Variants in ASTN2 observed in about 807,000 individuals in gnomAD.
ASTN2 encodes astrotactin-2.
Under a neutral mutation model 139.8 loss-of-function variants are expected in ASTN2, and 54 were observed. The ratio of observed to expected loss-of-function variants is 0.39; its 90% CI spans 0.31 to 0.48. The LOEUF (loss-of-function observed/expected upper bound fraction) is 0.48, where lower values mean the gene tolerates loss of function less well. Among genes scored for constraint, ASTN2 ranks in the 20% least tolerant of loss-of-function variants. ASTN2 has a pLI of 0.95. For synonymous variants in ASTN2, 756 were observed against 719.5 expected (o/e 1.05, Z -0.81); for missense variants, 1,565 against 1,725.1 (o/e 0.91, Z 1.64).
chr9:116,477,965 C>A (rs945777098), intron 20 of ASTN2, among the ~76,000 whole-genome samples: 1 of 147,552 alleles, frequency 6.8e-6, no homozygotes, highest in Non-Finnish European at 1.5e-5. Context: ...AAAGAGAGAA[C>A]AAGAAAGAAA....
At chr9:116,906,580 A>C (rs918865999) in intron 10 of ASTN2, among the ~76,000 whole-genome samples, 7 of 152,184 alleles carry the variant, frequency 4.6e-5, no homozygotes, top group African/African-American at 1.7e-4. Flanking sequence ...GGTCTAGTCT[A>C]ATCTTTTAAA....
chr9:116,950,258 T>C (rs2132484787), intron 10 of ASTN2, among the ~76,000 whole-genome samples: 1 of 152,324 alleles, frequency 6.6e-6, no homozygotes, highest in East Asian at 1.9e-4. Flanking sequence ...ACCAACATTG[T>C]TTCCAGACAT....
chr9:116,503,638 C>T (rs932974600), intron 19 of ASTN2, among the ~76,000 whole-genome samples: 3 of 152,230 alleles, frequency 2.0e-5, no homozygotes, highest in South Asian at 2.1e-4. Flanking sequence ...CACAGCTTTA[C>T]ATAATATATA....
chr9:116,783,237 G>C (rs1379649180), intron 13 of ASTN2, among the ~76,000 whole-genome samples: 1 of 150,922 alleles, frequency 6.6e-6, no homozygotes, highest in African/African-American at 2.4e-5. Context: ...TTTTAAACAA[G>C]TCTCACAGGC....
intron 19 of ASTN2, among the ~76,000 whole-genome samples, chr9:116,526,752 T>A (rs1206703506): frequency 6.6e-6 from 1 of 152,230 alleles, no homozygotes; most frequent in Non-Finnish European, 1.5e-5. Context: ...CTAGCAGATT[T>A]GTTTAAGCTT....
At chr9:116,834,320 G>C (rs1197863083) in intron 11 of ASTN2, among the ~76,000 whole-genome samples, 2 of 152,070 alleles carry the variant, frequency 1.3e-5, no homozygotes, top group Non-Finnish European at 2.9e-5. Context: ...TTTGTTGATG[G>C]TGTTATTGAG....
At chr9:117,206,514 C>T (rs571445860) in intron 3 of ASTN2, among the ~76,000 whole-genome samples, 2 of 152,244 alleles carry the variant, frequency 1.3e-5, no homozygotes, top group South Asian at 4.2e-4. Context: ...GTTGCTGCAG[C>T]ACGGTACACA....
intron 1 of ASTN2, among the ~76,000 whole-genome samples, chr9:117,326,351 G>A (rs973046193): frequency 1.3e-5 from 2 of 152,004 alleles, no homozygotes; most frequent in African/African-American, 4.8e-5. Flanking sequence ...CATGTTAATG[G>A]CAGAGTCAAG....
chr9:116,759,923 C>T (rs1358739441), intron 13 of ASTN2, among the ~76,000 whole-genome samples: 1 of 152,056 alleles, frequency 6.6e-6, no homozygotes, highest in African/African-American at 2.4e-5. Context: ...ACTGAAAAAC[C>T]CTGGGTCAGA....
chr9:117,152,094 T>C (rs977414185), intron 3 of ASTN2, among the ~76,000 whole-genome samples: 2 of 152,296 alleles, frequency 1.3e-5, no homozygotes, highest in African/African-American at 4.8e-5. Context: ...AGCATAAATC[T>C]CCCTCAAGAA....
At chr9:117,245,397 G>A (rs1833349814) in intron 2 of ASTN2, among the ~76,000 whole-genome samples, 2 of 152,180 alleles carry the variant, frequency 1.3e-5, no homozygotes, top group Non-Finnish European at 2.9e-5. Flanking sequence ...TAATCTTCAA[G>A]TGGCGGGAGG....
chr9:116,854,498 G>T (rs1832687295), intron 11 of ASTN2, among the ~76,000 whole-genome samples: 1 of 152,160 alleles, frequency 6.6e-6, no homozygotes, highest in South Asian at 2.1e-4. Context: ...TAAAAACTGT[G>T]TACTTAAGCA....
At chr9:117,330,394 C>G (rs1587953644) in intron 1 of ASTN2, among the ~76,000 whole-genome samples, 1 of 152,208 alleles carries the variant, frequency 6.6e-6, no homozygotes, top group African/African-American at 2.4e-5. Flanking sequence ...CTCTCCGAAG[C>G]CCCTCTCTGG....
At chr9:117,076,200 A>G (rs989773279) in intron 5 of ASTN2, among the ~76,000 whole-genome samples, 17 of 152,308 alleles carry the variant, frequency 1.1e-4, no homozygotes, top group African/African-American at 3.6e-4. Context: ...AGCTTCGTGG[A>G]CACCTGGTAA....
chr9:116,953,279 A>G (rs1177764465), intron 10 of ASTN2, among the ~76,000 whole-genome samples: 2 of 152,248 alleles, frequency 1.3e-5, no homozygotes. Context: ...CAAAGCCACA[A>G]AGAGAGGTTG....
At chr9:116,905,852 GT>G (rs1164737372) in intron 10 of ASTN2, among the ~76,000 whole-genome samples, 2,459 of 47,188 alleles carry the variant, frequency 0.052, 48 homozygotes, top group African/African-American at 0.086. Context: ...AGTGATCCCT[GT>G]TTTTTTTTTT....
intron 5 of ASTN2, among the ~76,000 whole-genome samples, chr9:117,084,020 C>T (rs1355831512): frequency 2.9e-5 from 4 of 136,742 alleles, no homozygotes; most frequent in Non-Finnish European, 6.1e-5. Context: ...AGAAGTAGTC[C>T]AGAAGGGATC....
intron 2 of ASTN2, among the ~76,000 whole-genome samples, chr9:117,284,234 G>T (rs1834393125): frequency 6.6e-6 from 1 of 152,122 alleles, no homozygotes; most frequent in African/African-American, 2.4e-5. Context: ...CTCATGAGTA[G>T]CTAGGACCAC....
At chr9:116,663,582 T>C (rs1345063851) in intron 16 of ASTN2, among the ~76,000 whole-genome samples, 1 of 152,056 alleles carries the variant, frequency 6.6e-6, no homozygotes, top group African/African-American at 2.4e-5. Flanking sequence ...CTCCGTTAGC[T>C]CCCCTCTGCG....
Sources: gnomAD v4.1 joint callset for allele counts (sites outside exome capture counted in the v4.1 genomes callset) on GRCh38, gnomAD v4.1.1 for gene constraint, MANE v1.5 for transcripts, NCBI Gene and HGNC (gene_info 2026-07-23, HGNC 2026-07-21) for gene names.